Variants in CFAP61 observed in about 807,000 individuals in gnomAD.
The protein encoded by CFAP61 is cilia and flagella associated protein 61.
CFAP61 carries 107 observed loss-of-function variants against 135.6 expected under a neutral mutation model. The observed-to-expected ratio is 0.79, with a 90% CI of 0.67 to 0.93. The LOEUF is 0.93. CFAP61 is among the 40% of genes least tolerant of loss of function. The pLI, the probability that CFAP61 is intolerant of heterozygous loss-of-function variation, is 0.00. For synonymous variants in CFAP61, 575 were observed against 578.5 expected (o/e 0.99, Z 0.09); for missense variants, 1,507 against 1,556.2 (o/e 0.97, Z 0.53).
intron 8 of CFAP61, among the ~76,000 whole-genome samples, chr20:20,140,181 A>T (rs926722): frequency 1.4e-5 from 2 of 142,702 alleles, no homozygotes; most frequent in East Asian, 2.1e-4. Flanking sequence ...TTTTTAAAAA[A>T]TTTTTTATTT....
chr20:20,335,647 T>TGGG, intron 25 of CFAP61, among the ~76,000 whole-genome samples: 1 of 152,350 alleles, frequency 6.6e-6, no homozygotes. Flanking sequence ...GAATGTACTC[T>TGGG]GCTCTGATGT....
chr20:20,183,718 A>G (rs1035124061), intron 13 of CFAP61, among the ~76,000 whole-genome samples: 6 of 152,214 alleles, frequency 3.9e-5, no homozygotes, highest in Admixed American at 6.5e-5. Flanking sequence ...AAAAGCACGA[A>G]TGAGATACTT....
intron 8 of CFAP61, among the ~76,000 whole-genome samples, chr20:20,133,097 C>T (rs2050663926): frequency 6.6e-6 from 1 of 152,146 alleles, no homozygotes; most frequent in Non-Finnish European, 1.5e-5. Context: ...TTCTTACTAT[C>T]ACCAGTGATA....
intron 12 of CFAP61, among the ~76,000 whole-genome samples, chr20:20,167,665 G>T (rs1172278946): frequency 6.6e-6 from 1 of 152,086 alleles, no homozygotes; most frequent in Non-Finnish European, 1.5e-5. Flanking sequence ...CCCAGACTTG[G>T]CACCCAGTCC....
chr20:20,320,380 T>TGTA (rs1433490474), intron 25 of CFAP61, among the ~76,000 whole-genome samples: 1 of 43,036 alleles, frequency 2.3e-5, no homozygotes, highest in African/African-American at 9.5e-5. Context: ...ATATTATATA[T>TGTA]ATGTAATATA....
In CFAP61 at chr20:20,212,669, A is replaced by G. The variant is rs111909788; in HGVS notation, c.1932+12767A>G. Among the ~76,000 whole-genome samples the G allele has an allele frequency of 9.1e-3, 1,375 of 151,176 alleles. 22 individuals are homozygous for G. Among genetic ancestry groups the G allele is most frequent in the African/African-American group, 0.032 (1,307 of 41,178 alleles). On this transcript the variant is annotated intron_variant, in intron 17 of 26. Coordinates refer to ENST00000245957, the MANE Select transcript of CFAP61 (RefSeq NM_015585.4). ...GAGAGAGGAACCCCTGCTATCCTCC[A>G]CCCCCACCTGCCACTGAGAAGTCCC...
At chr20:20,196,140 T>C (rs2056268744) in intron 15 of CFAP61, among the ~76,000 whole-genome samples, 2 of 152,106 alleles carry the variant, frequency 1.3e-5, no homozygotes, top group African/African-American at 4.8e-5. Context: ...CACTAACAGG[T>C]GAATAGTAAT....
intron 6 of CFAP61, among the ~76,000 whole-genome samples, chr20:20,081,162 A>G (rs951146942): frequency 2.6e-5 from 4 of 152,250 alleles, no homozygotes; most frequent in Admixed American, 6.5e-5. Context: ...CAGTTAAGCT[A>G]TCATCCTACC....
intron 18 of CFAP61, among the ~76,000 whole-genome samples, chr20:20,242,486 T>C (rs568854693): frequency 2.0e-5 from 3 of 152,212 alleles, no homozygotes; most frequent in African/African-American, 7.2e-5. Context: ...AGAGGGAGTA[T>C]TGTGGGTGCC....
chr20:20,160,131 G>T (rs1315992531), intron 10 of CFAP61, among the ~76,000 whole-genome samples: 1 of 152,226 alleles, frequency 6.6e-6, no homozygotes, highest in African/African-American at 2.4e-5. Context: ...GCAGAGGAGG[G>T]TGTTGTAGGC....
chr20:20,145,283 A>G (rs148397626), intron 9 of CFAP61, among the ~76,000 whole-genome samples: 44 of 152,330 alleles, frequency 2.9e-4, no homozygotes, highest in Admixed American at 1.7e-3. Flanking sequence ...AAAGTATACT[A>G]TTTTAAGGTT....
intron 25 of CFAP61, among the ~76,000 whole-genome samples, chr20:20,315,402 A>T (rs2057072869): frequency 6.6e-6 from 1 of 151,654 alleles, no homozygotes; most frequent in Non-Finnish European, 1.5e-5. Context: ...TTTTCTTGTA[A>T]ATTTGTTTGA....
intron 18 of CFAP61, among the ~76,000 whole-genome samples, chr20:20,245,660 T>TA (rs2050394028): frequency 6.6e-6 from 1 of 152,176 alleles, no homozygotes; most frequent in African/African-American, 2.4e-5. Flanking sequence ...AAAATAGGGA[T>TA]AATAGTATTA....
chr20:20,243,245 A>G (rs996279814), intron 18 of CFAP61, among the ~76,000 whole-genome samples: 2 of 152,168 alleles, frequency 1.3e-5, no homozygotes, highest in Non-Finnish European at 2.9e-5. Context: ...AGCATGGGAA[A>G]GACCTGCTCC....
intron 8 of CFAP61, among the ~76,000 whole-genome samples, chr20:20,102,263 C>T (rs1234514259): frequency 6.6e-6 from 1 of 152,162 alleles, no homozygotes; most frequent in Non-Finnish European, 1.5e-5. Context: ...GCCTCTGAGG[C>T]AAGTGAGACC....
chr20:20,134,755 A>C (rs903032771), intron 8 of CFAP61, among the ~76,000 whole-genome samples: 8 of 152,172 alleles, frequency 5.3e-5, no homozygotes, highest in Admixed American at 2.6e-4. Context: ...CCATTTTGTG[A>C]GGTGAGATTA....
intron 25 of CFAP61, among the ~76,000 whole-genome samples, chr20:20,315,708 G>T (rs1046018830): frequency 2.5e-4 from 38 of 152,156 alleles, no homozygotes; most frequent in African/African-American, 8.7e-4. Flanking sequence ...TTGAATTAAT[G>T]TTTGTATAAG....
At chr20:20,243,737 C>T (rs2050200180) in intron 18 of CFAP61, among the ~76,000 whole-genome samples, 1 of 152,084 alleles carries the variant, frequency 6.6e-6, no homozygotes, top group South Asian at 2.1e-4. Context: ...ATGCCTGGCC[C>T]CCCAAAGTCT....
intron 8 of CFAP61, among the ~76,000 whole-genome samples, chr20:20,107,168 G>A (rs2048467971): frequency 6.6e-6 from 1 of 152,196 alleles, no homozygotes; most frequent in African/African-American, 2.4e-5. Context: ...AAATATCATG[G>A]ACCAAATTTA....
Sources: allele counts gnomAD v4.1 joint callset (sites outside exome capture counted in the v4.1 genomes callset), GRCh38; gene constraint gnomAD v4.1.1; transcripts MANE v1.5; gene names NCBI Gene and HGNC (gene_info 2026-07-23, HGNC 2026-07-21).